The following TULP4 variants were observed in gnomAD, a reference collection of about 807,000 sequenced individuals.
TULP4 encodes tubby-related protein 4.
In TULP4, 16 loss-of-function variants were observed where a neutral mutation model predicts 129.0. That is an observed-to-expected ratio of 0.12 (90% CI 0.08 to 0.19). The LOEUF (loss-of-function observed/expected upper bound fraction) is 0.19, where lower values mean the gene tolerates loss of function less well. TULP4 is among the 10% of genes least tolerant of loss of function. The probability of loss-of-function intolerance (pLI) is 1.00; values close to 1 mark genes in which losing one functional copy is unlikely to be tolerated. For synonymous variants in TULP4, 998 were observed against 854.0 expected, an observed-to-expected ratio of 1.17 and a Z score of -2.94; for missense variants, 1,842 against 2,059.1, an observed-to-expected ratio of 0.89 and a Z score of 2.04.
In TULP4 at chr6:158,493,762, G is replaced by A. The variant is rs1428141278; in HGVS notation, c.1776+45G>A. 1.3e-6 allele frequency: 2 copies of A among 1,488,320 alleles called. No homozygotes were observed. Among genetic ancestry groups the A allele is most frequent in the East Asian group, 2.6e-5 (1 of 38,798 alleles). 92.2% of individuals were successfully genotyped at this position (1,488,320 alleles called of 1,614,324 possible). A position where few individuals can be genotyped will look rare whatever the true frequency, so the allele number is the denominator to read the frequency against. On this transcript the variant is annotated intron_variant, in intron 10 of 13. Transcript: ENST00000367097. The surrounding 1 kb of genome is among the most constrained non-coding windows in gnomAD (Gnocchi z 4.4). ...CTGCCTTGCTCCCCTCCTCCTGGGG[G>A]CTATGCCCAGAGGGCCCCTTCCTAC...
chr6:158,447,124 T>C (rs1156753942), intron 3 of TULP4, among the ~76,000 whole-genome samples: 3 of 152,194 alleles, frequency 2.0e-5, no homozygotes, highest in African/African-American at 4.8e-5. Flanking sequence ...GTTAAAGTTA[T>C]AAGAAGTCAT....
chr6:158,332,179 AAAAAAAAAAAAAAAAAAAAAAATATAT>A (rs1305615198), intron 1 of TULP4, among the ~76,000 whole-genome samples: 1,234 of 63,846 alleles, frequency 0.019, 25 homozygotes, highest in South Asian at 0.027. Flanking sequence ...CAAAAAAAAA[AAAAAAAAAAAAAAAAAAAAAAATATAT>A]ATATATATAT....
At chr6:158,267,897 TCTC>T (rs1301117889) in intron 1 of TULP4, among the ~76,000 whole-genome samples, 2 of 152,168 alleles carry the variant, frequency 1.3e-5, no homozygotes, top group Admixed American at 6.5e-5. Context: ...TCGAATCCCT[TCTC>T]CTCCATGTCT....
intron 3 of TULP4, among the ~76,000 whole-genome samples, chr6:158,431,938 G>T (rs1373318241): frequency 6.6e-6 from 1 of 151,816 alleles, no homozygotes; most frequent in African/African-American, 2.4e-5. Context: ...ACTAACAGGT[G>T]GGATTTTGTT....
At chr6:158,307,547 TGTCG>T (rs547461156), upstream of TULP4, among the ~76,000 whole-genome samples, 285 of 152,348 alleles carry the variant, frequency 1.9e-3, 5 homozygotes, top group Admixed American at 0.018. Context: ...GGTGGTGTGA[TGTCG>T]GCTCACTGCA....
At chr6:158,478,234 C>T (rs1391743625) in intron 6 of TULP4, among the ~76,000 whole-genome samples, 1 of 152,166 alleles carries the variant, frequency 6.6e-6, no homozygotes, top group Non-Finnish European at 1.5e-5. Context: ...TTGTGTACCC[C>T]TGAACATAAA....
intron 1 of TULP4, among the ~76,000 whole-genome samples, chr6:158,283,977 C>T (rs1406857600): frequency 6.6e-6 from 1 of 152,120 alleles, no homozygotes; most frequent in Non-Finnish European, 1.5e-5. Flanking sequence ...GATAATGGAC[C>T]CTCCTATAAA....
At chr6:158,267,167 T>G (rs1778460845) in intron 1 of TULP4, among the ~76,000 whole-genome samples, 2 of 152,250 alleles carry the variant, frequency 1.3e-5, no homozygotes, top group Non-Finnish European at 2.9e-5. Flanking sequence ...CTGAATGATA[T>G]TTCATTGTAT....
intron 1 of TULP4, among the ~76,000 whole-genome samples, chr6:158,238,865 C>A (rs1407045904): frequency 2.0e-5 from 2 of 99,318 alleles, no homozygotes; most frequent in Non-Finnish European, 4.4e-5. Context: ...ATTTCTCAAT[C>A]TTTTCCCCAC....
chr6:158,296,126 T>C (rs571000875), intron 1 of TULP4, among the ~76,000 whole-genome samples: 1 of 152,308 alleles, frequency 6.6e-6, no homozygotes, highest in South Asian at 2.1e-4. Flanking sequence ...AGATCCTTCC[T>C]TCCCCTTCCT....
chr6:158,356,440 G>A (rs1252694028), intron 1 of TULP4, among the ~76,000 whole-genome samples: 1 of 152,142 alleles, frequency 6.6e-6, no homozygotes, highest in East Asian at 1.9e-4. Context: ...CAGGACTATT[G>A]GATTCAGCAG....
chr6:158,331,778 TACACACACAC>T (rs111926333), intron 1 of TULP4, among the ~76,000 whole-genome samples: 1 of 71,500 alleles, frequency 1.4e-5, no homozygotes, highest in Non-Finnish European at 3.2e-5. Context: ...CACGTATATA[TACACACACAC>T]ATACCTACAT....
chr6:158,332,999 C>T (rs1184005068), intron 1 of TULP4, among the ~76,000 whole-genome samples: 1 of 152,068 alleles, frequency 6.6e-6, no homozygotes, highest in Non-Finnish European at 1.5e-5. Context: ...CATGAATTTA[C>T]ACCAGTATTT....
intron 1 of TULP4, among the ~76,000 whole-genome samples, chr6:158,367,912 T>C (rs182643966): frequency 4.1e-3 from 384 of 92,750 alleles, no homozygotes; most frequent in African/African-American, 0.016. Context: ...ACCCTGTCTC[T>C]ACAAATAATA....
chr6:158,260,334 G>A (rs1778328687), intron 1 of TULP4, among the ~76,000 whole-genome samples: 1 of 152,142 alleles, frequency 6.6e-6, no homozygotes, highest in South Asian at 2.1e-4. Flanking sequence ...GATAAAACTT[G>A]GGTTCTTGCA....
chr6:158,337,339 C>G (rs1212357943), intron 1 of TULP4, among the ~76,000 whole-genome samples: 9 of 151,824 alleles, frequency 5.9e-5, no homozygotes, highest in African/African-American at 2.2e-4. Context: ...CCATGTTGCC[C>G]AAACTGGTCT....
intron 2 of TULP4, among the ~76,000 whole-genome samples, chr6:158,427,131 C>T (rs190647446): frequency 2.7e-4 from 41 of 152,066 alleles, no homozygotes; most frequent in African/African-American, 8.4e-4. Flanking sequence ...ATTCATACAA[C>T]GGAATAATAT....
intron 1 of TULP4, among the ~76,000 whole-genome samples, chr6:158,269,830 A>G (rs546460356): frequency 3.3e-5 from 5 of 152,364 alleles, no homozygotes; most frequent in African/African-American, 4.8e-5. Context: ...GTGTTTGAAA[A>G]GTTACCCAGT....
intron 1 of TULP4, among the ~76,000 whole-genome samples, chr6:158,239,710 C>T (rs1181737830): frequency 4.7e-5 from 3 of 63,432 alleles, no homozygotes; most frequent in South Asian, 6.4e-4. Flanking sequence ...CCAGTAGGGG[C>T]GGCCGGGCAG....
Sources: allele counts gnomAD v4.1 joint callset (sites outside exome capture counted in the v4.1 genomes callset), GRCh38; gene constraint gnomAD v4.1.1; non-coding constraint Gnocchi (gnomAD v3.1); transcripts MANE v1.5; gene names NCBI Gene and HGNC (gene_info 2026-07-23, HGNC 2026-07-21).